CLIC6: variants seen among roughly 807,000 people sequenced by gnomAD.
CLIC6 encodes the protein chloride intracellular channel protein 6.
A neutral mutation model predicts 49.2 loss-of-function variants in CLIC6; 39 were observed. The observed-to-expected ratio is 0.79, with a 90% CI of 0.61 to 1.04. The LOEUF (loss-of-function observed/expected upper bound fraction) is 1.04. CLIC6 is among the 50% of genes least tolerant of loss of function. CLIC6 has a pLI of 0.00. For missense variants in CLIC6, 988 were observed against 993.1 expected, an observed-to-expected ratio of 0.99 and a Z score of 0.07; for synonymous variants, 446 against 433.4, an observed-to-expected ratio of 1.03 and a Z score of -0.36.
At chr21:34,701,481 CAAT>C (rs1990190318) in intron 1 of CLIC6, among the ~76,000 whole-genome samples, 1 of 152,086 alleles carries the variant, frequency 6.6e-6, no homozygotes, top group Non-Finnish European at 1.5e-5. Context: ...ATGATAATGA[CAAT>C]AATAGCTACC....
intron 1 of CLIC6, among the ~76,000 whole-genome samples, chr21:34,688,977 A>C (rs1282331285): frequency 6.6e-6 from 1 of 152,140 alleles, no homozygotes; most frequent in African/African-American, 2.4e-5. Context: ...TCCAGCCAGG[A>C]TCTTCCTTTC....
intron 3 of CLIC6, among the ~76,000 whole-genome samples, chr21:34,708,461 G>C (rs2056032107): frequency 6.6e-6 from 1 of 152,126 alleles, no homozygotes; most frequent in Non-Finnish European, 1.5e-5. Flanking sequence ...AGGCCAGGTG[G>C]GGTCCTGTGT....
intron 5 of CLIC6, among the ~76,000 whole-genome samples, chr21:34,710,199 G>T (rs1165921376): frequency 6.6e-6 from 1 of 152,102 alleles, no homozygotes; most frequent in African/African-American, 2.4e-5. Context: ...GATCACTTGA[G>T]CCCAGGAACC....
chr21:34,684,702 T>C (rs1017620232), intron 1 of CLIC6, among the ~76,000 whole-genome samples: 1 of 152,230 alleles, frequency 6.6e-6, no homozygotes, highest in East Asian at 1.9e-4. Flanking sequence ...CTTCTTCCTC[T>C]TTCTACGGTA....
At chr21:34,705,535 G>A (rs911714282) in intron 1 of CLIC6, among the ~76,000 whole-genome samples, 1 of 152,154 alleles carries the variant, frequency 6.6e-6, no homozygotes, top group East Asian at 1.9e-4. Context: ...AAGATACCTG[G>A]AGAGATTCTC....
chr21:34,710,541 T>C (rs2056049257), intron 5 of CLIC6, among the ~76,000 whole-genome samples: 2 of 152,064 alleles, frequency 1.3e-5, no homozygotes, highest in Admixed American at 6.5e-5. Flanking sequence ...GGGCCAGGCA[T>C]GGCGGCTCAC....
rs1329226181 is a variant in CLIC6 at position 34,669,529 on chromosome 21, A to C, written c.141A>C (p.Ala47=). ...EAEGPEGSEG[A]EEAPRGAAAV... is the part of the protein sequence containing the mutation. ...AAGGGCCGGAGGGGAGCGAGGGCGC[A>C]GAGGAGGCGCCGAGGGGCGCCGCCG... is the stretch of plus-strand genomic sequence containing the variant. Residue 47 remains alanine, a synonymous_variant, in exon 1 of 6, where the codon GCA becomes GCC. Transcript: ENST00000349499. 1 of 1,243,390 alleles carries C rather than the reference A, an allele frequency of 8.0e-7. No homozygotes were observed. The highest frequency in any genetic ancestry group is 1.0e-6 in the Non-Finnish European group (1 of 995,506). The allele number at this position is 1,243,390 out of a possible 1,614,324, so 77.0% of individuals were successfully genotyped here. A position where few individuals can be genotyped will look rare whatever the true frequency, so the allele number is the denominator to read the frequency against.
At chr21:34,705,859 A>T (rs1328175244) in intron 1 of CLIC6, among the ~76,000 whole-genome samples, 1 of 152,194 alleles carries the variant, frequency 6.6e-6, no homozygotes. Flanking sequence ...CCGAGATTGG[A>T]CTAAGGCTGA....
intron 1 of CLIC6, among the ~76,000 whole-genome samples, chr21:34,691,175 G>T (rs1075704): frequency 0.4 from 61,537 of 152,134 alleles, 14,151 homozygotes; most frequent in African/African-American, 0.63. Context: ...AACTTTCAAG[G>T]TTAGCAAATA....
intron 5 of CLIC6, among the ~76,000 whole-genome samples, chr21:34,715,120 C>T (rs2056078940): frequency 6.6e-6 from 1 of 152,194 alleles, no homozygotes; most frequent in South Asian, 2.1e-4. Context: ...TCATTAACCC[C>T]ATGCCTGCAT....
At chr21:34,685,717 G>A (rs970801477) in intron 1 of CLIC6, among the ~76,000 whole-genome samples, 2 of 152,164 alleles carry the variant, frequency 1.3e-5, no homozygotes, top group African/African-American at 4.8e-5. Context: ...CATGGAGGGG[G>A]ACATTTTTTT....
rs1233384255 is a variant in CLIC6 at position 34,717,355 on chromosome 21, T to A, written c.*873T>A. The A allele has an allele frequency of 6.6e-6, 1 of 152,414 alleles. No individual in the cohort carries two copies. Among genetic ancestry groups the A allele is most frequent in the South Asian group, 2.1e-4 (1 of 4,828 alleles). The allele number at this position is 152,414 out of a possible 1,614,324, so 9.4% of individuals were successfully genotyped here. ...TTGGTTCCTTCTCCGGGCGGCTCTC[T>A]CTGAGACCCAAGGCTGCAGTCCCTC... On this transcript the variant is annotated 3_prime_UTR_variant, in exon 6 of 6. Transcript: ENST00000349499.
At chr21:34,695,497 G>T (rs770871874) in intron 1 of CLIC6, among the ~76,000 whole-genome samples, 1 of 152,216 alleles carries the variant, frequency 6.6e-6, no homozygotes, top group Non-Finnish European at 1.5e-5. Flanking sequence ...CCTACTGCAC[G>T]AGTAAATGCC....
rs937956744 is a variant in CLIC6 at position 34,717,833 on chromosome 21, T to C, written c.*1351T>C. The C allele has an allele frequency of 2.0e-5, 3 of 152,214 alleles. No individual in the cohort carries two copies. The highest frequency in any genetic ancestry group is 2.9e-5 in the Non-Finnish European group (2 of 68,036). The allele number at this position is 152,214 out of a possible 1,614,324, so 9.4% of individuals were successfully genotyped here. A position where few individuals can be genotyped will look rare whatever the true frequency, so the allele number is the denominator to read the frequency against. On this transcript the variant is annotated 3_prime_UTR_variant, in exon 6 of 6. Coordinates refer to ENST00000349499, the MANE Select transcript of CLIC6 (RefSeq NM_053277.3). ...ATGTGTACACCTGCTCTAGGGACGA[T>C]TCGTTTGAAAGAGAGTAAGATGCAT...
chr21:34,699,499 A>C (rs1249753972), intron 1 of CLIC6, among the ~76,000 whole-genome samples: 1 of 151,192 alleles, frequency 6.6e-6, no homozygotes, highest in Non-Finnish European at 1.5e-5. Context: ...CTTGAGCTCA[A>C]GCAATCTGCC....
intron 4 of CLIC6, 113 bp from the exon 5 acceptor site, chr21:34,709,244 A>G: frequency 1.1e-6 from 1 of 887,086 alleles, no homozygotes; most frequent in Non-Finnish European, 1.8e-6. Flanking sequence ...CCCAGCACCC[A>G]TTGCTTGCTG....
At chr21:34,683,454 A>T (rs547260854) in intron 1 of CLIC6, among the ~76,000 whole-genome samples, 23 of 152,336 alleles carry the variant, frequency 1.5e-4, no homozygotes, top group Admixed American at 1.5e-3. Flanking sequence ...ACCAAAATTT[A>T]TAGAGAATGA....
intron 5 of CLIC6, among the ~76,000 whole-genome samples, chr21:34,714,740 AT>A (rs1390413696): frequency 6.6e-6 from 1 of 152,058 alleles, no homozygotes; most frequent in Non-Finnish European, 1.5e-5. Flanking sequence ...GAGAATTCCT[AT>A]ATATTTAAAT....
intron 1 of CLIC6, among the ~76,000 whole-genome samples, chr21:34,678,884 A>G (rs1023970352): frequency 6.6e-6 from 1 of 152,206 alleles, no homozygotes; most frequent in East Asian, 1.9e-4. Context: ...CCAACCTCCC[A>G]ATTTTTCTCC....
Sources: gnomAD v4.1 joint callset for allele counts (sites outside exome capture counted in the v4.1 genomes callset) on GRCh38, gnomAD v4.1.1 for gene constraint, MANE v1.5 for transcripts, NCBI Gene and HGNC (gene_info 2026-07-23, HGNC 2026-07-21) for gene names.